The following DGKG variants were observed in gnomAD, a reference collection of about 807,000 sequenced individuals.
DGKG encodes the protein diacylglycerol kinase gamma.
Under a neutral mutation model 105.3 loss-of-function variants are expected in DGKG, and 78 were observed. The ratio of observed to expected loss-of-function variants is 0.74; its 90% CI spans 0.62 to 0.89. The LOEUF (loss-of-function observed/expected upper bound fraction) is 0.89. DGKG is among the 40% of genes least tolerant of loss of function. The pLI, the probability that DGKG is intolerant of heterozygous loss-of-function variation, is 0.00. For missense variants in DGKG, 958 were observed against 1,020.1 expected, an observed-to-expected ratio of 0.94 and a Z score of 0.83; for synonymous variants, 346 against 367.1, an observed-to-expected ratio of 0.94 and a Z score of 0.66.
At chr3:186,319,855 C>T (rs1724998185) in intron 2 of DGKG, among the ~76,000 whole-genome samples, 1 of 152,198 alleles carries the variant, frequency 6.6e-6, no homozygotes, top group Admixed American at 6.5e-5. Context: ...CTTCCCAAAA[C>T]AAAGTCAAGA....
chr3:186,196,417 G>C (rs564984428), intron 21 of DGKG, among the ~76,000 whole-genome samples: 1 of 152,192 alleles, frequency 6.6e-6, no homozygotes, highest in Non-Finnish European at 1.5e-5. Context: ...GGGATTACAG[G>C]CATGAGCCAC....
intron 1 of DGKG, among the ~76,000 whole-genome samples, chr3:186,339,276 A>T (rs898539723): frequency 4.6e-5 from 7 of 152,190 alleles, no homozygotes; most frequent in Admixed American, 4.6e-4. Flanking sequence ...CCCATTGGGG[A>T]TATCACAGAG....
At chr3:186,227,527 T>C (rs1263774326) in intron 20 of DGKG, among the ~76,000 whole-genome samples, 1 of 152,126 alleles carries the variant, frequency 6.6e-6, no homozygotes, top group African/African-American at 2.4e-5. Context: ...CATAGCAGAG[T>C]TGTAAAGCCA....
intron 7 of DGKG, chr3:186,281,126 A>C: frequency 5.7e-6 from 1 of 175,186 alleles, no homozygotes; most frequent in Non-Finnish European, 1.2e-5. Context: ...ACTTCTTATC[A>C]CTCATCCCCA....
intron 24 of DGKG, chr3:186,161,116 C>T: frequency 1.0e-6 from 1 of 988,566 alleles, no homozygotes; most frequent in Non-Finnish European, 1.2e-6. Context: ...CATGTCTGTG[C>T]TCTGCGAGGA....
At chr3:186,278,103 A>G (rs1722665906) in intron 9 of DGKG, among the ~76,000 whole-genome samples, 1 of 152,184 alleles carries the variant, frequency 6.6e-6, no homozygotes, top group Admixed American at 6.5e-5. Context: ...GAGAATGCTG[A>G]GGAAGTAGAT....
At chr3:186,356,237 C>T (rs1726950289) in intron 1 of DGKG, among the ~76,000 whole-genome samples, 1 of 152,112 alleles carries the variant, frequency 6.6e-6, no homozygotes, top group Non-Finnish European at 1.5e-5. Context: ...TTATTGATGA[C>T]TTAGATGAAG....
At position 186,272,349 on chromosome 3, in the gene DGKG, A is replaced by G. The variant is rs1722355190; in HGVS notation, c.911-6T>C. 6.2e-7 allele frequency: 1 copy of G among 1,609,452 alleles called. No homozygotes were observed. The highest frequency in any genetic ancestry group is 8.5e-7 in the Non-Finnish European group (1 of 1,175,956). On this transcript the variant is annotated splice_polypyrimidine_tract_variant and splice_region_variant and intron_variant, in intron 10 of 24. Coordinates refer to ENST00000265022, the MANE Select transcript of DGKG (RefSeq NM_001346.3). ...GTGGACAGTGTATTTACAGTCTGAA[A>G]AGAAAAAAAGTCAAGGCAGGTGCTT...
At chr3:186,345,548 T>C (rs867705664) in intron 1 of DGKG, among the ~76,000 whole-genome samples, 2 of 152,332 alleles carry the variant, frequency 1.3e-5, no homozygotes, top group Middle Eastern at 3.4e-3. Flanking sequence ...ACTCTGTAAC[T>C]ATTGTCTTCT....
intron 21 of DGKG, among the ~76,000 whole-genome samples, chr3:186,211,591 C>G (rs979711264): frequency 3.9e-5 from 6 of 152,212 alleles, no homozygotes; most frequent in Non-Finnish European, 4.4e-5. Flanking sequence ...CTCTGAGTCC[C>G]AAAGCCCCCC....
intron 2 of DGKG, among the ~76,000 whole-genome samples, chr3:186,318,384 C>T (rs1232148296): frequency 6.6e-6 from 1 of 152,214 alleles, no homozygotes; most frequent in African/African-American, 2.4e-5. Flanking sequence ...TTGCTTCCAT[C>T]GTTCCCCTTC....
chr3:186,337,092 C>G (rs1026156223), intron 1 of DGKG, among the ~76,000 whole-genome samples: 3 of 152,082 alleles, frequency 2.0e-5, no homozygotes, highest in Non-Finnish European at 4.4e-5. Flanking sequence ...ATAAACCATT[C>G]CAGAGCATAG....
chr3:186,317,549 C>G (rs1375778208), intron 2 of DGKG, among the ~76,000 whole-genome samples: 1 of 152,208 alleles, frequency 6.6e-6, no homozygotes, highest in African/African-American at 2.4e-5. Flanking sequence ...GGGCTCCAGC[C>G]TGGGAGCTGC....
intron 1 of DGKG, among the ~76,000 whole-genome samples, chr3:186,345,978 A>G (rs1459633393): frequency 6.6e-6 from 1 of 152,170 alleles, no homozygotes; most frequent in Non-Finnish European, 1.5e-5. Context: ...CATCTTGGCC[A>G]GGCTAGTCTT....
chr3:186,200,655 T>G (rs1718407789), intron 21 of DGKG, among the ~76,000 whole-genome samples: 1 of 152,218 alleles, frequency 6.6e-6, no homozygotes, highest in Admixed American at 6.5e-5. Context: ...AGTGCCATCC[T>G]GACCCCCCAC....
chr3:186,244,286 A>G (rs1720831721), intron 19 of DGKG, among the ~76,000 whole-genome samples: 1 of 152,106 alleles, frequency 6.6e-6, no homozygotes, highest in Admixed American at 6.5e-5. Context: ...ATAGGAGTCC[A>G]GCAGCCCACA....
At chr3:186,322,466 C>T (rs1436262392) in intron 1 of DGKG, among the ~76,000 whole-genome samples, 1 of 152,134 alleles carries the variant, frequency 6.6e-6, no homozygotes, top group Non-Finnish European at 1.5e-5. Context: ...GAAAAACTAC[C>T]TACTGGGTAC....
At chr3:186,302,512 GTGTATATATATATATATATACATA>G (rs1560143698) in intron 3 of DGKG, among the ~76,000 whole-genome samples, 144 of 15,124 alleles carry the variant, frequency 9.5e-3, no homozygotes, top group Middle Eastern at 0.042. Context: ...ATATACATAT[GTGTATATATATATATATATACATA>G]TGTATATATA....
intron 22 of DGKG, among the ~76,000 whole-genome samples, chr3:186,170,322 G>A (rs1430081364): frequency 6.6e-6 from 1 of 152,168 alleles, no homozygotes; most frequent in African/African-American, 2.4e-5. Flanking sequence ...CCATTGGTCA[G>A]TGGTTCTCAA....
Sources: allele counts gnomAD v4.1 joint callset (sites outside exome capture counted in the v4.1 genomes callset), GRCh38; gene constraint gnomAD v4.1.1; transcripts MANE v1.5; gene names NCBI Gene and HGNC (gene_info 2026-07-23, HGNC 2026-07-21).